GRIA4: variants seen among roughly 807,000 people sequenced by gnomAD.
GRIA4 encodes glutamate receptor 4.
In GRIA4, 34 loss-of-function variants were observed where a neutral mutation model predicts 104.0. The ratio of observed to expected loss-of-function variants is 0.33; its 90% CI spans 0.25 to 0.44. The LOEUF is 0.44. Among genes scored for constraint, GRIA4 ranks in the 20% least tolerant of loss-of-function variants. The pLI, the probability that GRIA4 is intolerant of heterozygous loss-of-function variation, is 1.00. For missense variants in GRIA4, 750 were observed against 1,096.5 expected, an observed-to-expected ratio of 0.68 and a Z score of 4.46; for synonymous variants, 386 against 381.9, an observed-to-expected ratio of 1.01 and a Z score of -0.13.
chr11:105,667,231 T>C (rs1003935288), intron 3 of GRIA4, among the ~76,000 whole-genome samples: 2 of 152,016 alleles, frequency 1.3e-5, no homozygotes, highest in Non-Finnish European at 2.9e-5. Context: ...AGATACCCTA[T>C]ATTTAATCTC....
At chr11:105,691,001 G>C (rs1375332613) in intron 3 of GRIA4, among the ~76,000 whole-genome samples, 1 of 151,978 alleles carries the variant, frequency 6.6e-6, no homozygotes, top group Non-Finnish European at 1.5e-5. Flanking sequence ...TTTTTCTTTG[G>C]ATCCTGAGGT....
chr11:105,943,324 TTTGG>T (rs1237882386), intron 14 of GRIA4, among the ~76,000 whole-genome samples: 1 of 152,072 alleles, frequency 6.6e-6, no homozygotes, highest in Middle Eastern at 3.2e-3. Flanking sequence ...ACATCAAATG[TTTGG>T]CACGGTACAA....
At chr11:105,712,014 T>C (rs1953928997) in intron 3 of GRIA4, among the ~76,000 whole-genome samples, 1 of 152,298 alleles carries the variant, frequency 6.6e-6, no homozygotes, top group Non-Finnish European at 1.5e-5. Flanking sequence ...CTCTCTATGA[T>C]AGAGTTTTTG....
At chr11:105,813,339 T>C (rs896284412) in intron 4 of GRIA4, among the ~76,000 whole-genome samples, 1 of 152,174 alleles carries the variant, frequency 6.6e-6, no homozygotes, top group Non-Finnish European at 1.5e-5. Flanking sequence ...ATTTGTTTCA[T>C]ATTTAGCAAT....
chr11:105,839,720 A>C (rs1206646463), intron 4 of GRIA4, among the ~76,000 whole-genome samples: 1 of 152,040 alleles, frequency 6.6e-6, no homozygotes, highest in Non-Finnish European at 1.5e-5. Context: ...AAAAATAAAA[A>C]ATAAAAAAAA....
chr11:105,908,344 C>A (rs1947115799), intron 9 of GRIA4, among the ~76,000 whole-genome samples: 1 of 152,082 alleles, frequency 6.6e-6, no homozygotes. Flanking sequence ...GAAAAATATC[C>A]ATTTCCCTGT....
chr11:105,828,681 A>T (rs1165444955), intron 4 of GRIA4, among the ~76,000 whole-genome samples: 1 of 151,712 alleles, frequency 6.6e-6, no homozygotes, highest in African/African-American at 2.4e-5. Context: ...AAAAAAGAGT[A>T]TGAGGCTTTC....
intron 4 of GRIA4, 34 bp downstream of exon 4, chr11:105,753,254 C>T (rs745322372): frequency 2.5e-6 from 4 of 1,602,482 alleles, no homozygotes; most frequent in Middle Eastern, 1.7e-4. Flanking sequence ...TAGAGCAAAA[C>T]TCTAATTTTC....
At chr11:105,899,844 C>T (rs939249959) in intron 7 of GRIA4, among the ~76,000 whole-genome samples, 4 of 152,062 alleles carry the variant, frequency 2.6e-5, no homozygotes, top group Non-Finnish European at 5.9e-5. Flanking sequence ...GGTTCATGCC[C>T]GAATGAAGCT....
At chr11:105,847,017 A>G (rs1314556810) in intron 4 of GRIA4, among the ~76,000 whole-genome samples, 2 of 152,030 alleles carry the variant, frequency 1.3e-5, no homozygotes, top group African/African-American at 2.4e-5. Flanking sequence ...CTGGAAGACA[A>G]TTTTTCCAGG....
chr11:105,741,201 A>G (rs1189202691), intron 3 of GRIA4, among the ~76,000 whole-genome samples: 1 of 152,202 alleles, frequency 6.6e-6, no homozygotes, highest in Non-Finnish European at 1.5e-5. Flanking sequence ...ATTTTCATAG[A>G]TAGCCATGTT....
chr11:105,820,384 G>A (rs190667023), intron 4 of GRIA4, among the ~76,000 whole-genome samples: 10 of 152,030 alleles, frequency 6.6e-5, no homozygotes, highest in East Asian at 3.9e-4. Context: ...CACTCCAGCC[G>A]TGCTCTTCAT....
intron 4 of GRIA4, among the ~76,000 whole-genome samples, chr11:105,814,660 A>C (rs1213449719): frequency 6.6e-6 from 1 of 152,200 alleles, no homozygotes; most frequent in East Asian, 1.9e-4. Flanking sequence ...TTACCATTTT[A>C]AGTGTATACA....
intron 3 of GRIA4, among the ~76,000 whole-genome samples, chr11:105,649,191 G>T (rs2074906363): frequency 6.6e-6 from 1 of 151,944 alleles, no homozygotes; most frequent in Admixed American, 6.6e-5. Context: ...GATATCTTAG[G>T]AAGAAATCAA....
chr11:105,943,320 A>ATTTTG (rs1458516959), intron 14 of GRIA4, among the ~76,000 whole-genome samples: 1 of 152,138 alleles, frequency 6.6e-6, no homozygotes, highest in Middle Eastern at 3.2e-3. Flanking sequence ...GCTGACATCA[A>ATTTTG]ATGTTTGGCA....
At chr11:105,969,201 C>G (rs1487749929) in intron 14 of GRIA4, among the ~76,000 whole-genome samples, 1 of 152,088 alleles carries the variant, frequency 6.6e-6, no homozygotes, top group African/African-American at 2.4e-5. Context: ...TACAAATAAG[C>G]CACTTTCCTC....
intron 4 of GRIA4, among the ~76,000 whole-genome samples, chr11:105,786,130 G>C (rs1011584356): frequency 2.0e-4 from 26 of 128,356 alleles, no homozygotes; most frequent in African/African-American, 7.8e-4. Context: ...GGGCGACACA[G>C]TGAGACCCTT....
intron 4 of GRIA4, among the ~76,000 whole-genome samples, chr11:105,830,078 A>G (rs1012781318): frequency 6.6e-6 from 1 of 152,016 alleles, no homozygotes; most frequent in African/African-American, 2.4e-5. Flanking sequence ...TGCCTGCTGC[A>G]TGAAACTCAA....
intron 11 of GRIA4, among the ~76,000 whole-genome samples, chr11:105,920,910 A>AT (rs1947540225): frequency 6.6e-6 from 1 of 152,084 alleles, no homozygotes; most frequent in African/African-American, 2.4e-5. Context: ...CAAAGTCTAT[A>AT]TTGTTTCTCA....
Sources: allele counts gnomAD v4.1 joint callset (sites outside exome capture counted in the v4.1 genomes callset), GRCh38; gene constraint gnomAD v4.1.1; transcripts MANE v1.5; gene names NCBI Gene and HGNC (gene_info 2026-07-23, HGNC 2026-07-21).